The following RIMS1 variants were observed in gnomAD, a reference collection of about 807,000 sequenced individuals.
The protein encoded by RIMS1 is regulating synaptic membrane exocytosis protein 1.
A neutral mutation model predicts 214.1 loss-of-function variants in RIMS1; 83 were observed. That is an observed-to-expected ratio of 0.39 (90% CI 0.32 to 0.47). The LOEUF (loss-of-function observed/expected upper bound fraction) is 0.47. RIMS1 is among the 20% of genes least tolerant of loss of function. RIMS1 has a pLI of 0.99. For missense variants in RIMS1, 2,050 were observed against 2,161.8 expected (o/e 0.95, Z 1.03); for synonymous variants, 793 against 786.8 (o/e 1.01, Z -0.13).
At chr6:72,041,974 T>C (rs905989062) in intron 2 of RIMS1, among the ~76,000 whole-genome samples, 6 of 151,936 alleles carry the variant, frequency 3.9e-5, no homozygotes, top group Non-Finnish European at 7.4e-5. Context: ...CTCTAAACCA[T>C]TATGTTAGCC....
Position 72,050,567 on chromosome 6 carries a change from T to C in RIMS1, c.246-46382T>C, listed in dbSNP as rs570017353. 5.9e-5 allele frequency among the ~76,000 whole-genome samples: 9 copies of C among 152,118 alleles called. No individual in the cohort carries two copies. The South Asian group carries it at 1.7e-3, about 28-fold the overall frequency. ...GAGGGTGTAGGCTTTGGGGTGTGAG[T>C]GTGTCTTCTCTCCTCAGATACTTGA... On this transcript the variant is annotated intron_variant, in intron 2 of 33. Transcript: ENST00000521978.
chr6:72,032,196 G>C (rs1253009765), intron 2 of RIMS1, among the ~76,000 whole-genome samples: 2 of 151,922 alleles, frequency 1.3e-5, no homozygotes, highest in Non-Finnish European at 2.9e-5. Flanking sequence ...ATGTGTGTGG[G>C]TATTTCCGTG....
At chr6:72,107,731 CAAAT>C (rs1025893644) in intron 4 of RIMS1, among the ~76,000 whole-genome samples, 6 of 152,000 alleles carry the variant, frequency 3.9e-5, no homozygotes, top group Non-Finnish European at 8.8e-5. Context: ...CAAAATATAC[CAAAT>C]AAATTTCATA....
chr6:72,027,654 T>C (rs776824758), intron 2 of RIMS1, among the ~76,000 whole-genome samples: 3 of 152,080 alleles, frequency 2.0e-5, no homozygotes, highest in Admixed American at 6.6e-5. Context: ...CCCTAAGAAA[T>C]TTCCTTGGTC....
intron 24 of RIMS1, among the ~76,000 whole-genome samples, chr6:72,288,374 G>A (rs561689723): frequency 2.6e-5 from 4 of 152,168 alleles, no homozygotes; most frequent in South Asian, 2.1e-4. Flanking sequence ...CTGCATATGC[G>A]CACAAACACT....
At chr6:72,020,218 A>G (rs2151934379) in intron 2 of RIMS1, among the ~76,000 whole-genome samples, 1 of 152,350 alleles carries the variant, frequency 6.6e-6, no homozygotes, top group South Asian at 2.1e-4. Context: ...TAATACTATA[A>G]TGATAACATT....
chr6:71,969,527 G>A (rs1049574289), intron 2 of RIMS1, among the ~76,000 whole-genome samples: 2 of 152,082 alleles, frequency 1.3e-5, no homozygotes, highest in African/African-American at 4.8e-5. Flanking sequence ...GTTGATTGTC[G>A]GCTGGGCACG....
At chr6:72,326,644 T>G (rs183795153) in intron 28 of RIMS1, among the ~76,000 whole-genome samples, 6 of 151,918 alleles carry the variant, frequency 3.9e-5, no homozygotes, top group Admixed American at 1.3e-4. Flanking sequence ...GCATTTTTCT[T>G]TCTTAGGAGA....
chr6:72,257,813 C>A (rs888069720), intron 16 of RIMS1, among the ~76,000 whole-genome samples: 8 of 152,196 alleles, frequency 5.3e-5, no homozygotes, highest in African/African-American at 1.4e-4. Context: ...GTTGCTAAGT[C>A]ACGAACTCGT....
At position 72,271,281 on chromosome 6, in the gene RIMS1, AAAAAAATATATATAT is replaced by A. The variant is rs1404778402; in HGVS notation, c.3399-3066_3399-3052del. Among the ~76,000 whole-genome samples the A allele has an allele frequency of 6.6e-4, 45 of 68,380 alleles. 2 individuals carry two copies. Among genetic ancestry groups the A allele is most frequent in the African/African-American group, 1.3e-3 (22 of 16,344 alleles). 44.9% of individuals were successfully genotyped at this position (68,380 alleles called of 152,430 possible). A position where few individuals can be genotyped will look rare whatever the true frequency, so the allele number is the denominator to read the frequency against. On this transcript the variant is annotated intron_variant, in intron 22 of 33. Transcript: ENST00000521978. Reference sequence around the variant, plus strand: ...ACTCCATCTCAAGGAAAAAAAAAAAAAAAAAATATATATATATATATATATATATATATATGTTAA... The same window carrying A: ...ACTCCATCTCAAGGAAAAAAAAAAAAATATATATATATATATATATGTTAA...
chr6:72,123,205 A>T (rs2038791584), intron 4 of RIMS1, among the ~76,000 whole-genome samples: 1 of 151,750 alleles, frequency 6.6e-6, no homozygotes, highest in South Asian at 2.1e-4. Context: ...GAACATCTTT[A>T]TTTCTGCCTT....
At chr6:72,230,812 C>T (rs1258336088) in intron 6 of RIMS1, among the ~76,000 whole-genome samples, 1 of 151,370 alleles carries the variant, frequency 6.6e-6, no homozygotes, top group Admixed American at 6.6e-5. Context: ...TTTAAAATCG[C>T]TCACAAAATA....
At chr6:72,147,844 G>A (rs929416211) in intron 4 of RIMS1, among the ~76,000 whole-genome samples, 13 of 152,112 alleles carry the variant, frequency 8.5e-5, no homozygotes, top group African/African-American at 3.1e-4. Flanking sequence ...TAGAGGGGCA[G>A]AAAATACAGA....
chr6:72,242,818 TG>T (rs1190200841), intron 10 of RIMS1, among the ~76,000 whole-genome samples: 1 of 151,890 alleles, frequency 6.6e-6, no homozygotes, highest in Non-Finnish European at 1.5e-5. Context: ...AAAATATTAA[TG>T]ATTTCATATG....
rs1422852582 is a variant in RIMS1, at chr6:71,953,061, A to G, written c.165-15922A>G. Among the ~76,000 whole-genome samples the G allele has an allele frequency of 2.0e-5, 3 of 149,574 alleles. No homozygotes were observed. The East Asian group carries it at 5.9e-4, about 29-fold the overall frequency. ...GACTGCATTGGTGCGATCTCGGCTC[A>G]CTTCAACCTCTGCCTCCTGGGTTCA... On this transcript the variant is annotated intron_variant, in intron 1 of 33. Coordinates refer to ENST00000521978, the MANE Select transcript of RIMS1 (RefSeq NM_014989.7).
intron 3 of RIMS1, among the ~76,000 whole-genome samples, chr6:72,099,466 G>T (rs1461407304): frequency 1.3e-5 from 2 of 151,954 alleles, no homozygotes; most frequent in African/African-American, 4.8e-5. Context: ...ATTGCCTGTG[G>T]AATAATTTAT....
intron 4 of RIMS1, among the ~76,000 whole-genome samples, chr6:72,155,140 C>T (rs2044264801): frequency 7.1e-6 from 1 of 140,682 alleles, no homozygotes; most frequent in African/African-American, 2.5e-5. Context: ...TCTCCTAGGC[C>T]TCCAGGCCTG....
At chr6:72,339,060 A>G (rs1002130338) in intron 29 of RIMS1, among the ~76,000 whole-genome samples, 1 of 151,822 alleles carries the variant, frequency 6.6e-6, no homozygotes, top group African/African-American at 2.4e-5. Flanking sequence ...TCATAGAGCA[A>G]ATCACATATA....
At chr6:72,345,310 T>G (rs1373230095) in intron 29 of RIMS1, among the ~76,000 whole-genome samples, 1 of 148,418 alleles carries the variant, frequency 6.7e-6, no homozygotes, top group Non-Finnish European at 1.5e-5. Flanking sequence ...GATAGTTTAT[T>G]ATTGGATAAT....
Sources: allele counts gnomAD v4.1 joint callset (sites outside exome capture counted in the v4.1 genomes callset), GRCh38; gene constraint gnomAD v4.1.1; transcripts MANE v1.5; gene names NCBI Gene and HGNC (gene_info 2026-07-23, HGNC 2026-07-21).